The following MOGAT1 variants were observed in gnomAD, a reference collection of about 807,000 sequenced individuals.
MOGAT1 encodes monoacylglycerol O-acyltransferase 1, also known as 2-acylglycerol O-acyltransferase 1.
In MOGAT1, 32 loss-of-function variants were observed where a neutral mutation model predicts 31.4. The ratio of observed to expected loss-of-function variants is 1.02; its 90% CI spans 0.77 to 1.37. MOGAT1 has a LOEUF of 1.37. Ranked by LOEUF, MOGAT1 falls within the 40% of genes most tolerant of loss-of-function variation. The pLI, the probability that MOGAT1 is intolerant of heterozygous loss-of-function variation, is 0.00. For synonymous variants in MOGAT1, 145 were observed against 144.5 expected, an observed-to-expected ratio of 1.00 and a Z score of -0.03; for missense variants, 426 against 402.0, an observed-to-expected ratio of 1.06 and a Z score of -0.51.
chr2:222,692,769 G>A (rs1442873439), intron 3 of MOGAT1, among the ~76,000 whole-genome samples: 2 of 152,170 alleles, frequency 1.3e-5, no homozygotes, highest in Non-Finnish European at 2.9e-5. Flanking sequence ...TAGCAGCATT[G>A]AAGGATGGCC....
At chr2:222,701,606 G>GGGAGGGAC (rs1692931011) in intron 5 of MOGAT1, among the ~76,000 whole-genome samples, 1 of 137,844 alleles carries the variant, frequency 7.3e-6, no homozygotes, top group Non-Finnish European at 1.5e-5. Flanking sequence ...AAGGGAGGGA[G>GGGAGGGAC]GGAGGGAGAG....
At chr2:222,672,268 G>A (rs1337893103) in intron 1 of MOGAT1, among the ~76,000 whole-genome samples, 1 of 152,128 alleles carries the variant, frequency 6.6e-6, no homozygotes, top group Non-Finnish European at 1.5e-5. Context: ...TTGATTCATA[G>A]ATGGCAAAGT....
rs528504571 is a variant in MOGAT1 at position 222,697,131 on chromosome 2, C to T, written c.853+1843C>T. Among the ~76,000 whole-genome samples, 4 of 152,292 alleles carry T rather than the reference C, an allele frequency of 2.6e-5. No individual in the cohort carries two copies. The East Asian group carries it at 7.7e-4, about 29-fold the overall frequency. Reference sequence around the variant, plus strand: ...ATTGGAGAGCTAAAATGAGAATGTGCTGAGCCAGGCACTAATAGCAGAATT... The same window carrying T: ...ATTGGAGAGCTAAAATGAGAATGTGTTGAGCCAGGCACTAATAGCAGAATT... On this transcript the variant is annotated intron_variant, in intron 5 of 5. Coordinates refer to ENST00000446656, the MANE Select transcript of MOGAT1 (RefSeq NM_058165.3).
intron 1 of MOGAT1, among the ~76,000 whole-genome samples, chr2:222,681,276 C>A (rs1174052914): frequency 6.6e-6 from 1 of 152,182 alleles, no homozygotes; most frequent in Non-Finnish European, 1.5e-5. Flanking sequence ...AACCACAAGT[C>A]CAGGTTGGCA....
At chr2:222,689,983 G>A (rs577001078) in intron 3 of MOGAT1, among the ~76,000 whole-genome samples, 5 of 151,846 alleles carry the variant, frequency 3.3e-5, no homozygotes, top group South Asian at 2.1e-4. Flanking sequence ...GGCCGGGCGC[G>A]GTGGCTCACG....
intron 5 of MOGAT1, among the ~76,000 whole-genome samples, chr2:222,704,727 C>T (rs934474353): frequency 6.6e-6 from 1 of 151,962 alleles, no homozygotes; most frequent in African/African-American, 2.4e-5. Context: ...TTGGGTATGG[C>T]AGGGATGTTT....
At chr2:222,704,581 G>A (rs1017662875) in intron 5 of MOGAT1, among the ~76,000 whole-genome samples, 8 of 151,514 alleles carry the variant, frequency 5.3e-5, no homozygotes, top group Non-Finnish European at 8.8e-5. Flanking sequence ...CCGAGATCGC[G>A]CCACTGCACT....
At position 222,695,089 on chromosome 2, in the gene MOGAT1, C is replaced by T. The variant is rs376179822; in HGVS notation, c.654C>T (p.Gly218=). Residue 218 remains glycine (G), a splice_region_variant and synonymous_variant, in exon 5 of 6, where the codon GGC becomes GGT. Transcript: ENST00000446656. ...TCACCCGTCCCCTTTGTTATTGCAG[C>T]GCCTCTCTGGTCCCAGTGGTTTCTT... ...KGFVKIALTH[G]ASLVPVVSFG... 66 of 1,583,408 alleles carry T rather than the reference C, an allele frequency of 4.2e-5. No individual in the cohort carries two copies. The highest frequency in any genetic ancestry group is 1.4e-4 in the South Asian group (12 of 85,848).
intron 5 of MOGAT1, among the ~76,000 whole-genome samples, chr2:222,700,316 G>T (rs1692901259): frequency 6.6e-6 from 1 of 152,190 alleles, no homozygotes; most frequent in African/African-American, 2.4e-5. Flanking sequence ...ATAATCATCA[G>T]TCAAGGGTTG....
At chr2:222,709,667 C>A (rs866293278) in intron 5 of MOGAT1, 69 bp from the exon 6 acceptor site, 24 of 1,421,250 alleles carry the variant, frequency 1.7e-5, no homozygotes, top group Middle Eastern at 3.6e-4. Flanking sequence ...CACAGCTGTG[C>A]ATTAGGGGCG....
intron 3 of MOGAT1, 110 bp downstream of exon 3, chr2:222,689,579 T>C: frequency 1.0e-6 from 1 of 1,001,066 alleles, no homozygotes; most frequent in East Asian, 2.4e-5. Flanking sequence ...TAAAACCTGT[T>C]TTATCCTCAT....
intron 5 of MOGAT1, among the ~76,000 whole-genome samples, chr2:222,706,715 A>G (rs956780492): frequency 4.6e-5 from 7 of 152,090 alleles, no homozygotes; most frequent in African/African-American, 1.7e-4. Context: ...CCTACCCTGA[A>G]TAGTTACATT....
rs770686233 is a variant in MOGAT1, at chr2:222,689,268, A to T, written c.277A>T (p.Ile93Phe). Residue 93 changes from isoleucine to phenylalanine, a missense_variant, in exon 3 of 6, where the codon ATC becomes TTC. By Grantham distance (21) the Ile-to-Phe change is conservative. Transcript: ENST00000446656. ...TCTCAATATGAATGTGCTGTAGCTT[A>T]TCAAAACTCAAGATTTGGATCCAAG... is the stretch of plus-strand genomic sequence containing the variant. ...HFKDYFPIHL[I>F]KTQDLDPSHN... 53 of 1,612,274 alleles carry T rather than the reference A, an allele frequency of 3.3e-5. No individual in the cohort carries two copies. The highest frequency in any genetic ancestry group is 4.4e-5 in the Non-Finnish European group (52 of 1,178,824).
In MOGAT1 at chr2:222,688,464, C is replaced by G; in HGVS notation, c.215C>G (p.Ser72Cys). Residue 72 changes from serine (S) to cysteine (C), a missense_variant, in exon 2 of 6, where the codon TCC (serine) becomes TGC (cysteine). Coordinates refer to ENST00000446656, the MANE Select transcript of MOGAT1 (RefSeq NM_058165.3). The stretch of plus-strand genomic sequence containing the variant: ...ACCCCAGAGCGAGGAGGCAGGAGAT[C>G]CAGCTGGATCAAAAATTGGACTCTT... ...WHTPERGGRR[S>C]SWIKNWTLWK... 6.2e-7 allele frequency: 1 copy of G among 1,613,692 alleles called. No homozygotes were observed. The highest frequency in any genetic ancestry group is 8.5e-7 in the Non-Finnish European group (1 of 1,179,784).
intron 5 of MOGAT1, among the ~76,000 whole-genome samples, chr2:222,702,100 G>C (rs190979632): frequency 8.5e-4 from 129 of 152,350 alleles, no homozygotes; most frequent in Non-Finnish European, 1.4e-3. Flanking sequence ...CCCTGTGTAA[G>C]TAACTTGCCA....
At chr2:222,689,202 T>C in intron 2 of MOGAT1, 63 bp from the exon 3 acceptor site, 1 of 1,375,044 alleles carries the variant, frequency 7.3e-7, no homozygotes, top group East Asian at 2.5e-5. Context: ...TCCTTTTGTT[T>C]CTCATTGGAA....
At chr2:222,693,155 G>T (rs1692787079) in intron 3 of MOGAT1, among the ~76,000 whole-genome samples, 1 of 152,150 alleles carries the variant, frequency 6.6e-6, no homozygotes, top group Non-Finnish European at 1.5e-5. Flanking sequence ...AATAAAAATG[G>T]ATAAAACCCA....
At chr2:222,686,977 G>T (rs1440015089) in intron 1 of MOGAT1, among the ~76,000 whole-genome samples, 2 of 151,804 alleles carry the variant, frequency 1.3e-5, no homozygotes, top group East Asian at 3.9e-4. Context: ...AGCTGGGCGT[G>T]GTGGTGCGCG....
At chr2:222,704,734 G>C (rs1355290582) in intron 5 of MOGAT1, among the ~76,000 whole-genome samples, 1 of 151,988 alleles carries the variant, frequency 6.6e-6, no homozygotes, top group Non-Finnish European at 1.5e-5. Flanking sequence ...TGGCAGGGAT[G>C]TTTATTATAC....
Sources: gnomAD v4.1 joint callset for allele counts (sites outside exome capture counted in the v4.1 genomes callset) on GRCh38, gnomAD v4.1.1 for gene constraint, MANE v1.5 for transcripts, NCBI Gene and HGNC (gene_info 2026-07-23, HGNC 2026-07-21) for gene names.